Variants in SMAGP observed in about 807,000 individuals in gnomAD.
SMAGP encodes the protein small cell transmembrane and glycosylated protein.
Under a neutral mutation model 10.1 loss-of-function variants are expected in SMAGP, and 7 were observed. The ratio of observed to expected loss-of-function variants is 0.70; its 90% confidence interval spans 0.40 to 1.31. The LOEUF is 1.31. SMAGP is among the 50% of genes most tolerant of loss of function. The pLI, the probability that SMAGP is intolerant of heterozygous loss-of-function variation, is 0.01. For missense variants in SMAGP, 113 were observed against 116.5 expected (o/e 0.97, Z 0.14); for synonymous variants, 49 against 47.2 (o/e 1.04, Z -0.16).
chr12:51,250,007 G>GAT (rs921650195), intron 2 of SMAGP, among the ~76,000 whole-genome samples: 10 of 152,116 alleles, frequency 6.6e-5, no homozygotes, highest in African/African-American at 1.9e-4. Flanking sequence ...GATTAAATGA[G>GAT]AGAACATGTA....
intron 2 of SMAGP, among the ~76,000 whole-genome samples, chr12:51,268,679 G>C (rs1411990336): frequency 6.9e-6 from 1 of 144,450 alleles, no homozygotes; most frequent in African/African-American, 2.5e-5. Context: ...TGCTTCCCAG[G>C]TTCAAGCGAT....
At chr12:51,259,218 A>G (rs532050316) in intron 2 of SMAGP, among the ~76,000 whole-genome samples, 1 of 152,286 alleles carries the variant, frequency 6.6e-6, no homozygotes. Flanking sequence ...GCCTTCTACA[A>G]AGGCTGAGCT....
intron 2 of SMAGP, among the ~76,000 whole-genome samples, chr12:51,249,376 C>G (rs1346316322): frequency 6.6e-6 from 1 of 152,072 alleles, no homozygotes; most frequent in Non-Finnish European, 1.5e-5. Context: ...GGACTTGTGA[C>G]TAGTGTCTGA....
chr12:51,266,342 C>A (rs1396584395), intron 2 of SMAGP, among the ~76,000 whole-genome samples: 2 of 152,046 alleles, frequency 1.3e-5, no homozygotes, highest in Non-Finnish European at 2.9e-5. Flanking sequence ...AGTACCACAG[C>A]GCTTGTGTTC....
At position 51,245,333 on chromosome 12, in the gene SMAGP, T is replaced by C. The variant is rs1944752538; in HGVS notation, c.*608A>G. 6.6e-6 allele frequency: 1 copy of C among 152,662 alleles called. No homozygotes were observed. The highest frequency in any genetic ancestry group is 1.5e-5 in the Non-Finnish European group (1 of 68,060). The allele number at this position is 152,662 out of a possible 1,614,324, so 9.5% of individuals were successfully genotyped here. ...AAATAAGTCAAAATGTAGTTACTTC[T>C]TGCACATGAGAATCTGATTTCTGTA... On this transcript the variant is annotated 3_prime_UTR_variant, in exon 4 of 4. Coordinates refer to ENST00000603798, the MANE Select transcript of SMAGP (RefSeq NM_001031628.2).
intron 2 of SMAGP, among the ~76,000 whole-genome samples, chr12:51,254,639 G>C (rs1334409779): frequency 6.6e-6 from 1 of 152,172 alleles, no homozygotes; most frequent in African/African-American, 2.4e-5. Context: ...CAGAAAAGAG[G>C]ATGGAAAGCT....
chr12:51,246,258 C>T lies in SMAGP; in HGVS notation c.116-139G>A, dbSNP rs1040126294. ...ACTAGTGTCCACTTCCATCCAAACC[C>T]ATGTTCCCCCACCAACCCCAATTTC... On this transcript the variant is annotated intron_variant, in intron 3 of 3. Coordinates refer to ENST00000603798, the MANE Select transcript of SMAGP (RefSeq NM_001031628.2). 5.5e-6 allele frequency: 7 copies of T among 1,266,500 alleles called. No individual in the cohort carries two copies. In the African/African-American group the frequency reaches 1.1e-4, roughly 19 times the overall value. The allele number at this position is 1,266,500 out of a possible 1,614,324, so 78.5% of individuals were successfully genotyped here.
chr12:51,261,223 G>GAT (rs1405756501), intron 2 of SMAGP, among the ~76,000 whole-genome samples: 2 of 147,854 alleles, frequency 1.4e-5, no homozygotes, highest in Non-Finnish European at 3.0e-5. Context: ...AGCCTCCCAA[G>GAT]TAGCTGGGAT....
At chr12:51,256,244 T>C (rs1944883531) in intron 2 of SMAGP, among the ~76,000 whole-genome samples, 1 of 152,002 alleles carries the variant, frequency 6.6e-6, no homozygotes. Context: ...GGAACAAATT[T>C]GGAAGAAACA....
At chr12:51,269,786 G>C (rs962704803) in intron 1 of SMAGP, 1 of 152,454 alleles carries the variant, frequency 6.6e-6, no homozygotes, top group Admixed American at 6.5e-5. Flanking sequence ...CGCAGTAGCC[G>C]GGCCGGGACC....
chr12:51,259,008 A>C (rs1220012872), intron 2 of SMAGP, among the ~76,000 whole-genome samples: 1 of 150,164 alleles, frequency 6.7e-6, no homozygotes, highest in African/African-American at 2.5e-5. Flanking sequence ...AAAAAAAAAA[A>C]AAACCTGATA....
chr12:51,261,320 C>T (rs1944930179), intron 2 of SMAGP, among the ~76,000 whole-genome samples: 1 of 152,070 alleles, frequency 6.6e-6, no homozygotes, highest in Non-Finnish European at 1.5e-5. Context: ...TGGTCTCGAA[C>T]TCTTGACCTT....
intron 2 of SMAGP, among the ~76,000 whole-genome samples, chr12:51,259,620 G>A (rs1343575346): frequency 3.3e-5 from 5 of 152,078 alleles, no homozygotes; most frequent in Admixed American, 2.6e-4. Context: ...TACTTATGGG[G>A]GGGTCCCTAA....
chr12:51,247,814 G>A (rs531895634), intron 2 of SMAGP, among the ~76,000 whole-genome samples: 23 of 152,254 alleles, frequency 1.5e-4, no homozygotes, highest in African/African-American at 5.5e-4. Context: ...AAACAGACAC[G>A]GCCAGCTTCC....
At chr12:51,268,291 C>T (rs1415774983) in intron 2 of SMAGP, among the ~76,000 whole-genome samples, 1 of 151,976 alleles carries the variant, frequency 6.6e-6, no homozygotes, top group Non-Finnish European at 1.5e-5. Context: ...ACACACTCTT[C>T]TAGGTGTTTT....
At position 51,246,087 on chromosome 12, in the gene SMAGP, A is replaced by T. The variant is rs757654519; in HGVS notation, c.148T>A (p.Ser50Thr). The T allele has an allele frequency of 6.2e-6, 10 of 1,613,988 alleles. No individual in the cohort carries two copies. Among genetic ancestry groups the T allele is most frequent in the Non-Finnish European group, 8.5e-6 (10 of 1,179,874 alleles). Reference sequence around the variant, plus strand: ...TAAAAGAAGATCAAGATCACGACCGAGAGCAGGGTGAGGAAGACAACGGTG... The same window carrying T: ...TAAAAGAAGATCAAGATCACGACCGTGAGCAGGGTGAGGAAGACAACGGTG... ...VITVVFLTLL[S>T]VVILIFFYLY... The change falls in exon 4 of 4, where the codon TCG (serine) becomes ACG (threonine). Residue 50 changes from serine to threonine, a missense_variant. Transcript: ENST00000603798.
At chr12:51,269,386 A>G in intron 1 of SMAGP, 70 bp from the exon 2 acceptor site, 1 of 1,289,232 alleles carries the variant, frequency 7.8e-7, no homozygotes, top group Admixed American at 1.8e-5. Context: ...TGGAAGTCCC[A>G]GGAAAGCCTC....
rs368165440 is a variant in SMAGP at position 51,245,904 on chromosome 12, T to A, written c.*37A>T. 1 of 1,590,658 alleles carries A rather than the reference T, an allele frequency of 6.3e-7. No individual in the cohort carries two copies. The highest frequency in any genetic ancestry group is 8.6e-7 in the Non-Finnish European group (1 of 1,165,458). On this transcript the variant is annotated 3_prime_UTR_variant, in exon 4 of 4. Coordinates refer to ENST00000603798, the MANE Select transcript of SMAGP (RefSeq NM_001031628.2). Reference sequence around the variant, plus strand: ...TAATAAGCAGTCAACGTGTTAGCGATGGAGCCAGGAATAAGCTCCTTGGGG... The same window carrying A: ...TAATAAGCAGTCAACGTGTTAGCGAAGGAGCCAGGAATAAGCTCCTTGGGG...
At chr12:51,268,338 G>C (rs1208930770) in intron 2 of SMAGP, among the ~76,000 whole-genome samples, 1 of 151,838 alleles carries the variant, frequency 6.6e-6, no homozygotes, top group Non-Finnish European at 1.5e-5. Flanking sequence ...TAAATCATAA[G>C]ATAGGTACTA....
Sources: allele counts gnomAD v4.1 joint callset (sites outside exome capture counted in the v4.1 genomes callset), GRCh38; gene constraint gnomAD v4.1.1; transcripts MANE v1.5; gene names NCBI Gene and HGNC (gene_info 2026-07-23, HGNC 2026-07-21).